Variants in DSCAM observed in about 807,000 individuals in gnomAD.
DSCAM encodes the protein cell adhesion molecule DSCAM.
In DSCAM, 47 loss-of-function variants were observed where a neutral mutation model predicts 217.7. That is an observed-to-expected ratio of 0.22 (90% CI 0.17 to 0.28). The LOEUF (loss-of-function observed/expected upper bound fraction) is 0.28. Ranked by LOEUF, DSCAM falls within the 10% of genes least tolerant of loss-of-function variation. The pLI is 1.00. For missense variants in DSCAM, 2,080 were observed against 2,618.3 expected (o/e 0.79, Z 4.49); for synonymous variants, 1,056 against 1,015.3 (o/e 1.04, Z -0.76).
intron 1 of DSCAM, among the ~76,000 whole-genome samples, chr21:40,841,567 G>A (rs2092101882): frequency 6.6e-6 from 1 of 152,186 alleles, no homozygotes; most frequent in South Asian, 2.1e-4. Context: ...GGGCCTGGGG[G>A]AGAGGGAAGG....
intron 32 of DSCAM, among the ~76,000 whole-genome samples, chr21:40,025,743 C>G (rs1347376169): frequency 6.7e-6 from 1 of 150,254 alleles, no homozygotes; most frequent in Non-Finnish European, 1.5e-5. Context: ...TTTATTGCAT[C>G]TATTTGATTC....
chr21:40,109,736 G>A (rs1351325658), intron 20 of DSCAM, among the ~76,000 whole-genome samples: 3 of 152,128 alleles, frequency 2.0e-5, no homozygotes, highest in African/African-American at 4.8e-5. Context: ...GCACTTTTCC[G>A]ATGGTCTTAG....
chr21:40,672,334 G>A (rs1264960825), intron 3 of DSCAM, among the ~76,000 whole-genome samples: 2 of 152,022 alleles, frequency 1.3e-5, no homozygotes, highest in African/African-American at 2.4e-5. Flanking sequence ...GTGAGATGTC[G>A]ACCATCAACT....
intron 3 of DSCAM, among the ~76,000 whole-genome samples, chr21:40,505,996 A>C (rs576245501): frequency 1.6e-4 from 25 of 152,356 alleles, no homozygotes; most frequent in Admixed American, 3.3e-4. Context: ...CACACACACA[A>C]AACAAGATAT....
chr21:40,588,076 A>T (rs2076959220), intron 3 of DSCAM, among the ~76,000 whole-genome samples: 1 of 152,136 alleles, frequency 6.6e-6, no homozygotes, highest in South Asian at 2.1e-4. Context: ...TAAACTGCAG[A>T]TGCCTTCAGC....
intron 3 of DSCAM, among the ~76,000 whole-genome samples, chr21:40,520,610 C>T (rs905654071): frequency 2.0e-5 from 3 of 151,968 alleles, no homozygotes; most frequent in African/African-American, 7.3e-5. Context: ...AGTTCGAGAC[C>T]AGCCTGGCCA....
At chr21:40,245,171 C>T (rs182146595) in intron 11 of DSCAM, among the ~76,000 whole-genome samples, 2 of 152,332 alleles carry the variant, frequency 1.3e-5, no homozygotes, top group East Asian at 3.9e-4. Context: ...TTGTGTCTTA[C>T]GGCTGCTGCC....
chr21:40,845,655 G>A (rs1467258851), intron 1 of DSCAM, among the ~76,000 whole-genome samples: 1 of 149,920 alleles, frequency 6.7e-6, no homozygotes, highest in Non-Finnish European at 1.5e-5. Flanking sequence ...TCTGCTTAAT[G>A]GTTTAATTTC....
intron 1 of DSCAM, among the ~76,000 whole-genome samples, chr21:40,746,461 T>C (rs1183397407): frequency 6.7e-6 from 1 of 149,438 alleles, no homozygotes; most frequent in Non-Finnish European, 1.5e-5. Flanking sequence ...AAAAAGACCA[T>C]GATATAATGA....
At chr21:40,684,365 C>T (rs180971013) in intron 3 of DSCAM, among the ~76,000 whole-genome samples, 28 of 152,322 alleles carry the variant, frequency 1.8e-4, no homozygotes, top group Admixed American at 1.0e-3. Flanking sequence ...GACGCGGTTG[C>T]TGAGGAGAGA....
At chr21:40,844,000 G>T (rs2092124418) in intron 1 of DSCAM, among the ~76,000 whole-genome samples, 1 of 151,896 alleles carries the variant, frequency 6.6e-6, no homozygotes, top group Non-Finnish European at 1.5e-5. Context: ...ATCATGTCAG[G>T]CATTTTGATG....
chr21:40,699,942 T>C (rs969540674), intron 2 of DSCAM, among the ~76,000 whole-genome samples: 12 of 152,166 alleles, frequency 7.9e-5, no homozygotes, highest in Admixed American at 6.5e-4. Context: ...AAGATATCCT[T>C]CTATTAAAAG....
intron 1 of DSCAM, among the ~76,000 whole-genome samples, chr21:40,787,183 C>G (rs1454129588): frequency 1.3e-5 from 2 of 152,220 alleles, no homozygotes; most frequent in Non-Finnish European, 2.9e-5. Flanking sequence ...GGCAGAAACA[C>G]CCTCAAAAGT....
intron 19 of DSCAM, 27 bp downstream of exon 19, chr21:40,133,827 G>A: frequency 6.3e-7 from 1 of 1,576,024 alleles, no homozygotes; most frequent in African/African-American, 1.4e-5. Context: ...AGCAACTGCT[G>A]GGACCCACCG....
At chr21:40,669,010 T>C (rs907690014) in intron 3 of DSCAM, among the ~76,000 whole-genome samples, 4 of 152,138 alleles carry the variant, frequency 2.6e-5, no homozygotes, top group South Asian at 2.1e-4. Context: ...AGATAATAAA[T>C]TCCTTGAGTG....
At chr21:40,694,956 G>A (rs529162797) in intron 2 of DSCAM, among the ~76,000 whole-genome samples, 3 of 152,246 alleles carry the variant, frequency 2.0e-5, no homozygotes, top group African/African-American at 7.2e-5. Context: ...GGAGGATGGA[G>A]GACAGAGGAG....
At chr21:40,706,918 T>C (rs2090724091) in intron 2 of DSCAM, among the ~76,000 whole-genome samples, 1 of 151,980 alleles carries the variant, frequency 6.6e-6, no homozygotes, top group Non-Finnish European at 1.5e-5. Flanking sequence ...GTCCATAGGG[T>C]TTCAGATGTC....
chr21:40,741,995 G>A (rs1345505805), intron 1 of DSCAM, among the ~76,000 whole-genome samples: 2 of 152,130 alleles, frequency 1.3e-5, no homozygotes, highest in Admixed American at 1.3e-4. Context: ...AGTCTGGTGG[G>A]CATCAGAAAA....
At chr21:40,498,228 T>G (rs150445156) in intron 3 of DSCAM, among the ~76,000 whole-genome samples, 1 of 152,270 alleles carries the variant, frequency 6.6e-6, no homozygotes, top group East Asian at 1.9e-4. Flanking sequence ...CTATTGTCAA[T>G]TGTATATGAA....
Sources: allele counts gnomAD v4.1 joint callset (sites outside exome capture counted in the v4.1 genomes callset), GRCh38; gene constraint gnomAD v4.1.1; transcripts MANE v1.5; gene names NCBI Gene and HGNC (gene_info 2026-07-23, HGNC 2026-07-21).